The following CSMD1 variants were observed in gnomAD, a reference collection of about 807,000 sequenced individuals.
CSMD1 encodes CUB and sushi domain-containing protein 1.
CSMD1 carries 213 observed loss-of-function variants against 417.5 expected under a neutral mutation model. That is an observed-to-expected ratio of 0.51 (90% CI 0.46 to 0.57). The LOEUF is 0.57. CSMD1 is among the 20% of genes least tolerant of loss of function. The pLI is 0.00. For missense variants in CSMD1, 6,923 were observed against 4,529.7 expected (o/e 1.53, Z -15.17); for synonymous variants, 2,862 against 1,736.8 (o/e 1.65, Z -16.11).
rs184892666 is a variant in CSMD1, at chr8:4,543,831, G to C, written c.302+93511C>G. On this transcript the variant is annotated intron_variant, in intron 2 of 69. Coordinates refer to ENST00000635120, the MANE Select transcript of CSMD1 (RefSeq NM_033225.6). ...ATTTTGAATTTTAACCATTCTACTAGGAATGTGGTGGTATCTGATTATTGT... is the reference window on the plus strand; with the variant it reads ...ATTTTGAATTTTAACCATTCTACTACGAATGTGGTGGTATCTGATTATTGT... 2.3e-3 allele frequency among the ~76,000 whole-genome samples: 349 copies of C among 152,154 alleles called. 2 individuals are homozygous for C. The highest frequency in any genetic ancestry group is 7.9e-3 in the African/African-American group (327 of 41,514).
intron 3 of CSMD1, among the ~76,000 whole-genome samples, chr8:4,138,022 C>A (rs13266738): frequency 0.28 from 39,465 of 138,860 alleles, 6,959 homozygotes; most frequent in Non-Finnish European, 0.38. Flanking sequence ...CGACTAGAGG[C>A]GCCCGCCACC....
At chr8:4,448,763 A>C (rs531501581) in intron 2 of CSMD1, among the ~76,000 whole-genome samples, 1 of 152,212 alleles carries the variant, frequency 6.6e-6, no homozygotes, top group Non-Finnish European at 1.5e-5. Context: ...AATGACAACC[A>C]TATTTAAGGC....
At chr8:4,817,184 A>G (rs1056112863) in intron 1 of CSMD1, among the ~76,000 whole-genome samples, 5 of 152,214 alleles carry the variant, frequency 3.3e-5, no homozygotes, top group African/African-American at 9.6e-5. Flanking sequence ...ATACTCATGT[A>G]TAAATATTAC....
At chr8:4,413,328 C>A (rs962274680) in intron 3 of CSMD1, among the ~76,000 whole-genome samples, 18 of 152,116 alleles carry the variant, frequency 1.2e-4, no homozygotes, top group African/African-American at 4.1e-4. Flanking sequence ...GCTCGTGGGG[C>A]TGCCCAAACC....
chr8:3,409,698 T>G (rs940174463), intron 12 of CSMD1, 93 bp from the exon 13 acceptor site: 2 of 989,870 alleles, frequency 2.0e-6, no homozygotes, highest in African/African-American at 3.3e-5. Flanking sequence ...TGGCTTCTTT[T>G]TGCTGAACTA....
intron 2 of CSMD1, among the ~76,000 whole-genome samples, chr8:4,485,483 C>T (rs1264044842): frequency 1.3e-5 from 2 of 152,168 alleles, no homozygotes; most frequent in Admixed American, 6.5e-5. Flanking sequence ...GGCTGGGCAG[C>T]AAGCCTGCTT....
intron 18 of CSMD1, among the ~76,000 whole-genome samples, chr8:3,381,206 T>C (rs1259676820): frequency 6.6e-6 from 1 of 151,880 alleles, no homozygotes. Context: ...ATGACTAAAA[T>C]GACTGCAAGT....
chr8:4,577,992 C>T (rs368469642), intron 2 of CSMD1, among the ~76,000 whole-genome samples: 1 of 152,094 alleles, frequency 6.6e-6, no homozygotes, highest in African/African-American at 2.4e-5. Context: ...TTTGGACTTT[C>T]GGGGATCACA....
At position 3,219,349 on chromosome 8, in the gene CSMD1, G is replaced by A. The variant is rs1452995649; in HGVS notation, c.4578C>T (p.Ala1526=). ...TTCCGCTACTCTCTATTCTTTCTGGGGCCTGAGAGCCCTGGTAACTCCCAA... is the reference window on the plus strand; with the variant it reads ...TTCCGCTACTCTCTATTCTTTCTGGAGCCTGAGAGCCCTGGTAACTCCCAA... ...PLIGSYQGSQ[A]PERIESSGNS... The change falls in exon 29 of 70, where the codon GCC becomes GCT. Residue 1526 remains alanine (A), a synonymous_variant. Transcript: ENST00000635120. The A allele has an allele frequency of 2.5e-6, 4 of 1,575,952 alleles. No homozygotes were observed. Among genetic ancestry groups the A allele is most frequent in the Non-Finnish European group, 2.6e-6 (3 of 1,159,844 alleles).
intron 2 of CSMD1, among the ~76,000 whole-genome samples, chr8:4,470,432 G>A (rs1219721132): frequency 6.6e-6 from 1 of 152,290 alleles, no homozygotes; most frequent in South Asian, 2.1e-4. Flanking sequence ...AGAAGTGATA[G>A]TGCTGCTATG....
At chr8:2,992,559 G>GCTGT (rs1806491875) in intron 54 of CSMD1, among the ~76,000 whole-genome samples, 1 of 151,874 alleles carries the variant, frequency 6.6e-6, no homozygotes, top group South Asian at 2.1e-4. Flanking sequence ...GAGTAGCTGG[G>GCTGT]ATTACAGGTG....
At position 3,884,841 on chromosome 8, in the gene CSMD1, G is replaced by C. The variant is rs1202536062; in HGVS notation, c.818+113062C>G. ...AGAATCTCTACTTCGTCGTCAGTCT[G>C]TGTATGAAAATGCCAAGGCTGAGAA... On this transcript the variant is annotated intron_variant, in intron 5 of 69. Transcript: ENST00000635120. Among the ~76,000 whole-genome samples, 7 of 151,388 alleles carry C rather than the reference G, an allele frequency of 4.6e-5. 1 individual carries two copies. Among genetic ancestry groups the C allele is most frequent in the Non-Finnish European group, 1.0e-4 (7 of 67,948 alleles).
rs375205665 is a variant in CSMD1, at chr8:3,964,744, C to T, written c.818+33159G>A. Among the ~76,000 whole-genome samples, 41 of 152,338 alleles carry T rather than the reference C, an allele frequency of 2.7e-4. No homozygotes were observed. The East Asian group carries it at 6.6e-3, about 24-fold the overall frequency. On this transcript the variant is annotated intron_variant, in intron 5 of 69. Transcript: ENST00000635120. Reference sequence around the variant, plus strand: ...TTGCAATGTACTTGCGTGACACATACATTGTCCTGTATCCTTCATAAAGGA... The same window carrying T: ...TTGCAATGTACTTGCGTGACACATATATTGTCCTGTATCCTTCATAAAGGA...
chr8:3,752,676 CAAAAAAAA>C (rs200769696), intron 6 of CSMD1, among the ~76,000 whole-genome samples: 13 of 96,986 alleles, frequency 1.3e-4, no homozygotes, highest in Admixed American at 5.5e-4. Flanking sequence ...CCCCGCCTGG[CAAAAAAAA>C]AAAAAAAAAA....
intron 3 of CSMD1, among the ~76,000 whole-genome samples, chr8:4,300,494 G>A (rs969447943): frequency 1.1e-4 from 17 of 152,150 alleles, no homozygotes; most frequent in Non-Finnish European, 1.9e-4. Flanking sequence ...TCTTCTTAAC[G>A]TTATTAACTG....
chr8:4,366,400 C>T (rs989417308), intron 3 of CSMD1, among the ~76,000 whole-genome samples: 17 of 152,282 alleles, frequency 1.1e-4, no homozygotes, highest in African/African-American at 2.4e-4. Flanking sequence ...TATGCATGCA[C>T]GTGTCTTTTT....
chr8:4,707,695 T>A (rs1392522704), intron 1 of CSMD1, among the ~76,000 whole-genome samples: 1 of 151,946 alleles, frequency 6.6e-6, no homozygotes. Flanking sequence ...CAGACCAGCC[T>A]GCCCAACATG....
chr8:4,387,551 A>T (rs1803533413), intron 3 of CSMD1, among the ~76,000 whole-genome samples: 2 of 131,608 alleles, frequency 1.5e-5, no homozygotes. Flanking sequence ...CGCAGAAGAG[A>T]TGCATAAATC....
intron 1 of CSMD1, 85 bp downstream of exon 1, chr8:4,994,247 C>T (rs998964469): frequency 5.7e-6 from 7 of 1,234,278 alleles, no homozygotes; most frequent in African/African-American, 1.5e-5. Flanking sequence ...CCGTACCCTG[C>T]GGTCCCCAAA....
Sources: allele counts gnomAD v4.1 joint callset (sites outside exome capture counted in the v4.1 genomes callset), GRCh38; gene constraint gnomAD v4.1.1; transcripts MANE v1.5; gene names NCBI Gene and HGNC (gene_info 2026-07-23, HGNC 2026-07-21).